Variants in VTI1A observed in about 807,000 individuals in gnomAD.
The protein encoded by VTI1A is vesicle transport through interaction with t-SNAREs homolog 1A.
Under a neutral mutation model 34.9 loss-of-function variants are expected in VTI1A, and 22 were observed. That is an observed-to-expected ratio of 0.63 (90% confidence interval 0.45 to 0.90). The LOEUF (loss-of-function observed/expected upper bound fraction) is 0.90. Ranked by LOEUF, VTI1A falls within the 40% of genes least tolerant of loss-of-function variation. The pLI is 0.00. For missense variants in VTI1A, 268 were observed against 275.6 expected (o/e 0.97, Z 0.20); for synonymous variants, 87 against 97.3 (o/e 0.89, Z 0.62).
intron 7 of VTI1A, among the ~76,000 whole-genome samples, chr10:112,725,396 A>G (rs189174893): frequency 6.6e-6 from 1 of 152,200 alleles, no homozygotes; most frequent in African/African-American, 2.4e-5. Context: ...AAATGACTTA[A>G]TGAGATGCAA....
chr10:112,571,234 A>G (rs1852104169), intron 5 of VTI1A, among the ~76,000 whole-genome samples: 1 of 152,230 alleles, frequency 6.6e-6, no homozygotes, highest in African/African-American at 2.4e-5. Flanking sequence ...ATGATTTAAA[A>G]TATCTTCCCA....
At position 112,531,061 on chromosome 10, in the gene VTI1A, C is replaced by CCACACACACACACA. The variant is rs748909123; in HGVS notation, c.342+3898_342+3899insACACACACACACAC. 1.6e-3 allele frequency among the ~76,000 whole-genome samples: 146 copies of CCACACACACACACA among 90,310 alleles called. 3 individuals carry two copies. Among genetic ancestry groups the CCACACACACACACA allele is most frequent in the Admixed American group, 8.1e-3 (69 of 8,550 alleles). The allele number at this position is 90,310 out of a possible 152,430, so 59.2% of individuals were successfully genotyped here. ...GGTAGTTCTGGGGTCACGTGACACA[C>CCACACACACACACA]CTCACACACACACACACACACACAC... On this transcript the variant is annotated intron_variant, in intron 4 of 7. Coordinates refer to ENST00000393077, the MANE Select transcript of VTI1A (RefSeq NM_145206.4).
At position 112,652,078 on chromosome 10, in the gene VTI1A, GA is replaced by G. The variant is rs528328374; in HGVS notation, c.428-16133del. Among the ~76,000 whole-genome samples the G allele has an allele frequency of 1.7e-3, 262 of 151,656 alleles. 4 individuals carry two copies. The highest frequency in any genetic ancestry group is 6.1e-3 in the African/African-American group (254 of 41,424). ...GATTTCTTTCCTTCAGGTGAAAAAA[GA>G]AAAAAACAGGCAAACAAAAAACAAC... On this transcript the variant is annotated intron_variant, in intron 5 of 7. Transcript: ENST00000393077.
At chr10:112,518,446 T>C in intron 3 of VTI1A, among the ~76,000 whole-genome samples, 1 of 151,590 alleles carries the variant, frequency 6.6e-6, no homozygotes, top group Non-Finnish European at 1.5e-5. Context: ...CTGTGGCTTA[T>C]ACCTGTAACC....
At chr10:112,782,456 G>A (rs985960656) in intron 7 of VTI1A, among the ~76,000 whole-genome samples, 6 of 152,238 alleles carry the variant, frequency 3.9e-5, no homozygotes, top group African/African-American at 7.2e-5. Flanking sequence ...GGACCTTAGC[G>A]TTTCCAAGGC....
chr10:112,732,447 C>T (rs1850299882), intron 7 of VTI1A, among the ~76,000 whole-genome samples: 1 of 152,336 alleles, frequency 6.6e-6, no homozygotes, highest in Admixed American at 6.5e-5. Context: ...CTGTGCAGTG[C>T]AAGCATTCAG....
At chr10:112,539,816 A>G (rs1302362633) in intron 5 of VTI1A, among the ~76,000 whole-genome samples, 5 of 152,208 alleles carry the variant, frequency 3.3e-5, no homozygotes, top group African/African-American at 9.7e-5. Context: ...ATATACAAAT[A>G]TAAATATTAT....
chr10:112,755,520 A>G (rs770439171), intron 7 of VTI1A, among the ~76,000 whole-genome samples: 1 of 152,196 alleles, frequency 6.6e-6, no homozygotes, highest in Non-Finnish European at 1.5e-5. Flanking sequence ...CACGTGGACC[A>G]AATGTCCCTG....
chr10:112,832,273 G>A, the VTI1A span: 2 of 152,162 alleles, frequency 1.3e-5, no homozygotes, highest in African/African-American at 4.8e-5. Context: ...GCAAGCTGGG[G>A]GAAAATACAA....
chr10:112,569,090 G>A (rs1852016761), intron 5 of VTI1A, among the ~76,000 whole-genome samples: 1 of 152,028 alleles, frequency 6.6e-6, no homozygotes, highest in Non-Finnish European at 1.5e-5. Flanking sequence ...AGGAGGCGGA[G>A]GTTGCAGTGG....
intron 7 of VTI1A, among the ~76,000 whole-genome samples, chr10:112,776,259 A>C (rs968614698): frequency 2.0e-5 from 3 of 152,154 alleles, no homozygotes; most frequent in Non-Finnish European, 4.4e-5. Context: ...GACTATTTGA[A>C]AGCTTTCAGC....
chr10:112,565,246 T>C (rs764895313), intron 5 of VTI1A, among the ~76,000 whole-genome samples: 2 of 152,102 alleles, frequency 1.3e-5, no homozygotes, highest in African/African-American at 4.8e-5. Context: ...TTATTTGTTG[T>C]TTTTCAGGGA....
the VTI1A span, among the ~76,000 whole-genome samples, chr10:112,852,450 C>T: frequency 6.6e-6 from 1 of 152,178 alleles, no homozygotes; most frequent in Non-Finnish European, 1.5e-5. Context: ...TGGAGATTTC[C>T]TCTCCAGCAG....
chr10:112,668,176 A>G, intron 5 of VTI1A, 42 bp from the exon 6 acceptor site: 2 of 1,558,830 alleles, frequency 1.3e-6, no homozygotes, highest in Non-Finnish European at 1.8e-6. Flanking sequence ...TCTCATATGC[A>G]CTCCAAGTCA....
intron 5 of VTI1A, among the ~76,000 whole-genome samples, chr10:112,647,135 G>A (rs1202659939): frequency 1.3e-5 from 2 of 152,182 alleles, no homozygotes; most frequent in Non-Finnish European, 2.9e-5. Context: ...GAGAGCCCAT[G>A]GGATAAATGA....
At chr10:112,585,748 A>G (rs1383834647) in intron 5 of VTI1A, among the ~76,000 whole-genome samples, 3 of 150,142 alleles carry the variant, frequency 2.0e-5, no homozygotes, top group Non-Finnish European at 4.4e-5. Context: ...AAGAATTAGC[A>G]TATTGACATA....
chr10:112,555,018 A>G (rs1025421226), intron 5 of VTI1A, among the ~76,000 whole-genome samples: 1 of 152,108 alleles, frequency 6.6e-6, no homozygotes, highest in Non-Finnish European at 1.5e-5. Context: ...GAAGAATGAG[A>G]GTTAATATTT....
chr10:112,760,572 A>G (rs1851427406), intron 7 of VTI1A, among the ~76,000 whole-genome samples: 1 of 152,184 alleles, frequency 6.6e-6, no homozygotes, highest in Non-Finnish European at 1.5e-5. Context: ...TGGGTCAAGG[A>G]CCAAGATGAG....
chr10:112,570,979 A>G (rs1198923735), intron 5 of VTI1A, among the ~76,000 whole-genome samples: 1 of 152,264 alleles, frequency 6.6e-6, no homozygotes, highest in Admixed American at 6.5e-5. Context: ...TTTACAAATG[A>G]GGAAATCAGC....
Sources: gnomAD v4.1 joint callset for allele counts (sites outside exome capture counted in the v4.1 genomes callset) on GRCh38, gnomAD v4.1.1 for gene constraint, MANE v1.5 for transcripts, NCBI Gene and HGNC (gene_info 2026-07-23, HGNC 2026-07-21) for gene names.